ACBD6: variants seen among roughly 807,000 people sequenced by gnomAD.
ACBD6 encodes the protein acyl-CoA-binding domain-containing protein 6.
A neutral mutation model predicts 37.2 loss-of-function variants in ACBD6; 28 were observed. That is an observed-to-expected ratio of 0.75 (90% CI 0.56 to 1.03). The LOEUF (loss-of-function observed/expected upper bound fraction) is 1.03. Ranked by LOEUF, ACBD6 falls within the 50% of genes least tolerant of loss-of-function variation. The pLI, the probability that ACBD6 is intolerant of heterozygous loss-of-function variation, is 0.00. For missense variants in ACBD6, 340 were observed against 337.4 expected (o/e 1.01, Z -0.06); for synonymous variants, 113 against 126.8 (o/e 0.89, Z 0.73).
intron 1 of ACBD6, among the ~76,000 whole-genome samples, chr1:180,496,923 A>C (rs951880220): frequency 2.6e-5 from 4 of 152,166 alleles, no homozygotes; most frequent in African/African-American, 9.7e-5. Context: ...TGAAGAGAGA[A>C]GCTCAGGAGG....
downstream of ACBD6, among the ~76,000 whole-genome samples, chr1:180,284,221 A>C (rs542621232): frequency 8.5e-5 from 13 of 152,318 alleles, no homozygotes; most frequent in South Asian, 2.7e-3. Context: ...TGAGTCTGAT[A>C]ATCACTATAC....
At chr1:180,275,872 G>A (rs1404309935) in intron 9 of ACBD6, 1 of 152,292 alleles carries the variant, frequency 6.6e-6, no homozygotes, top group Admixed American at 6.5e-5. Context: ...CCGTTGTGCA[G>A]GTTTGCAGTA....
intron 5 of ACBD6, among the ~76,000 whole-genome samples, chr1:180,397,961 G>A (rs1371926636): frequency 6.6e-6 from 1 of 152,116 alleles, no homozygotes; most frequent in Non-Finnish European, 1.5e-5. Flanking sequence ...GATGAGGCAG[G>A]AGAATCGCTT....
At chr1:180,488,286 CTTAA>C (rs1174615379) in intron 3 of ACBD6, among the ~76,000 whole-genome samples, 2 of 151,754 alleles carry the variant, frequency 1.3e-5, no homozygotes, top group African/African-American at 2.4e-5. Context: ...AAATAATTGC[CTTAA>C]TTATAGTAGA....
chr1:180,491,246 G>A (rs1651493667), intron 3 of ACBD6, among the ~76,000 whole-genome samples: 1 of 151,982 alleles, frequency 6.6e-6, no homozygotes, highest in Admixed American at 6.6e-5. Context: ...CTGCTAAAAT[G>A]TTTGGCCTTA....
chr1:180,344,570 G>C (rs146941201), intron 6 of ACBD6, among the ~76,000 whole-genome samples: 48 of 152,342 alleles, frequency 3.2e-4, no homozygotes, highest in African/African-American at 1.1e-3. Context: ...GTGCTACAGA[G>C]TTGAGACTTC....
At chr1:180,373,349 T>C (rs1653329032) in intron 6 of ACBD6, among the ~76,000 whole-genome samples, 2 of 152,206 alleles carry the variant, frequency 1.3e-5, no homozygotes. Flanking sequence ...GAGTAACTCA[T>C]CAAAGCAGTC....
At chr1:180,467,618 C>T (rs1355121920) in intron 3 of ACBD6, among the ~76,000 whole-genome samples, 1 of 151,802 alleles carries the variant, frequency 6.6e-6, no homozygotes, top group African/African-American at 2.4e-5. Context: ...GCTACTGCAC[C>T]GCAGCTGGGT....
rs115609708 is a variant in ACBD6 at position 180,484,061 on chromosome 1, C to G, written c.384+8208G>C. On this transcript the variant is annotated intron_variant, in intron 3 of 7. Transcript: ENST00000367595. ...AAAATACATTAAAATTACTACAAGA[C>G]TTACAGTTTGGTGGTCCTGCTTTAC... Among the ~76,000 whole-genome samples the G allele has an allele frequency of 7.4e-3, 1,127 of 152,284 alleles. 12 individuals are homozygous for G. Among genetic ancestry groups the G allele is most frequent in the Non-Finnish European group, 0.013 (888 of 68,028 alleles).
intron 3 of ACBD6, among the ~76,000 whole-genome samples, chr1:180,481,722 A>C (rs1557888585): frequency 8.1e-6 from 1 of 122,894 alleles, no homozygotes; most frequent in African/African-American, 3.8e-5. Flanking sequence ...GAAACAAAAG[A>C]AGAACCAGAA....
At chr1:180,335,947 A>C (rs937058251) in intron 6 of ACBD6, among the ~76,000 whole-genome samples, 1 of 151,294 alleles carries the variant, frequency 6.6e-6, no homozygotes, top group Non-Finnish European at 1.5e-5. Context: ...GGATCAATTC[A>C]ACAAGAAGAG....
intron 6 of ACBD6, among the ~76,000 whole-genome samples, chr1:180,337,957 C>T (rs1449338611): frequency 6.6e-6 from 1 of 152,130 alleles, no homozygotes; most frequent in Non-Finnish European, 1.5e-5. Flanking sequence ...TGTGAAGGAC[C>T]TCTTCAAGGA....
intron 6 of ACBD6, among the ~76,000 whole-genome samples, chr1:180,339,587 C>T (rs961421737): frequency 2.0e-5 from 3 of 151,828 alleles, no homozygotes; most frequent in Non-Finnish European, 4.4e-5. Flanking sequence ...ATGTAAATGA[C>T]GAGTTAATGG....
chr1:180,296,835 G>A (rs115698772), intron 7 of ACBD6, among the ~76,000 whole-genome samples: 382 of 151,922 alleles, frequency 2.5e-3, no homozygotes, highest in African/African-American at 8.9e-3. Flanking sequence ...CAAAGAATAG[G>A]TGAACTCTCA....
intron 6 of ACBD6, among the ~76,000 whole-genome samples, chr1:180,342,075 A>G (rs1039937691): frequency 5.3e-5 from 8 of 152,216 alleles, no homozygotes; most frequent in South Asian, 2.1e-4. Flanking sequence ...GAAGTGTTCT[A>G]CTGTTTAATG....
chr1:180,425,352 T>C (rs900905730), intron 4 of ACBD6, among the ~76,000 whole-genome samples: 24 of 152,204 alleles, frequency 1.6e-4, no homozygotes, highest in African/African-American at 5.8e-4. Flanking sequence ...CCCACTTGTG[T>C]AGTCCTCAAA....
intron 6 of ACBD6, among the ~76,000 whole-genome samples, chr1:180,359,275 A>G (rs1040276964): frequency 6.6e-6 from 1 of 152,216 alleles, no homozygotes; most frequent in African/African-American, 2.4e-5. Flanking sequence ...GCTAGCCACA[A>G]ATTCAACGTA....
rs138556247 is a variant in ACBD6 at position 180,406,797 on chromosome 1, A to G, written c.573+6569T>C. 7.0e-3 allele frequency among the ~76,000 whole-genome samples: 1,071 copies of G among 152,290 alleles called. 9 individuals carry two copies. The highest frequency in any genetic ancestry group is 0.024 in the African/African-American group (1,000 of 41,558). On this transcript the variant is annotated intron_variant, in intron 5 of 7. Transcript: ENST00000367595. ...GTAAAAACGTATATTATCCCAGAGA[A>G]TCTTAGGGAATCAGTAGGGAAATAT... is the stretch of plus-strand genomic sequence containing the variant.
chr1:180,386,746 T>C (rs1436631331), intron 6 of ACBD6, among the ~76,000 whole-genome samples: 4 of 152,192 alleles, frequency 2.6e-5, no homozygotes, highest in Non-Finnish European at 5.9e-5. Context: ...TTTGCAATTC[T>C]ATAATTTCTA....
Sources: allele counts gnomAD v4.1 joint callset (sites outside exome capture counted in the v4.1 genomes callset), GRCh38; gene constraint gnomAD v4.1.1; transcripts MANE v1.5; gene names NCBI Gene and HGNC (gene_info 2026-07-23, HGNC 2026-07-21).